The following GYPC variants were observed in gnomAD, a reference collection of about 807,000 sequenced individuals.
GYPC encodes the protein glycophorin-C.
In GYPC, 14 loss-of-function variants were observed where a neutral mutation model predicts 12.6. The ratio of observed to expected loss-of-function variants is 1.11; its 90% CI spans 0.74 to 1.74. The LOEUF (loss-of-function observed/expected upper bound fraction) is 1.74. GYPC is among the 40% of genes most tolerant of loss of function. The pLI is 0.00. For synonymous variants in GYPC, 78 were observed against 62.1 expected (o/e 1.26, Z -1.20); for missense variants, 225 against 172.1 (o/e 1.31, Z -1.72).
intron 1 of GYPC, among the ~76,000 whole-genome samples, chr2:126,681,348 G>T (rs550550400): frequency 1.1e-4 from 17 of 152,230 alleles, no homozygotes; most frequent in Middle Eastern, 3.4e-3. Context: ...TCATATGGGG[G>T]TATCATAATT....
intron 3 of GYPC, among the ~76,000 whole-genome samples, chr2:126,694,713 A>G (rs1683588785): frequency 1.3e-5 from 2 of 151,916 alleles, no homozygotes; most frequent in African/African-American, 4.8e-5. Context: ...AAATTGTTCT[A>G]TAAAGGTGGG....
rs1683417316 is a variant in GYPC at position 126,690,240 on chromosome 2, G to A, written c.50-15G>A. On this transcript the variant is annotated splice_polypyrimidine_tract_variant and intron_variant, in intron 1 of 3. Coordinates refer to ENST00000259254, the MANE Select transcript of GYPC (RefSeq NM_002101.5). Reference sequence around the variant, plus strand: ...TCTTCCTCTCTGACCTCAGATTCTTGTCCTCTGTTCACAGAGCCTGATCCG... The same window carrying A: ...TCTTCCTCTCTGACCTCAGATTCTTATCCTCTGTTCACAGAGCCTGATCCG... The A allele has an allele frequency of 6.2e-7, 1 of 1,603,640 alleles. No individual in the cohort carries two copies. The highest frequency in any genetic ancestry group is 1.3e-5 in the African/African-American group (1 of 74,686).
intron 1 of GYPC, among the ~76,000 whole-genome samples, chr2:126,686,840 C>A (rs879390705): frequency 6.6e-6 from 1 of 152,044 alleles, no homozygotes; most frequent in Non-Finnish European, 1.5e-5. Flanking sequence ...ATGAACCCAC[C>A]CCCAAGGCTG....
chr2:126,664,191 TA>T (rs1467802189), intron 1 of GYPC, among the ~76,000 whole-genome samples: 9 of 152,194 alleles, frequency 5.9e-5, no homozygotes, highest in Admixed American at 2.6e-4. Context: ...ATTCCCTTTT[TA>T]AAAAATTTTC....
intron 1 of GYPC, among the ~76,000 whole-genome samples, chr2:126,659,552 G>T (rs1182029320): frequency 6.6e-6 from 1 of 152,230 alleles, no homozygotes; most frequent in Non-Finnish European, 1.5e-5. Flanking sequence ...GCCTGGACCT[G>T]CTCCCAGTGG....
At chr2:126,667,061 G>A (rs1022653208) in intron 1 of GYPC, among the ~76,000 whole-genome samples, 4 of 151,942 alleles carry the variant, frequency 2.6e-5, no homozygotes, top group Non-Finnish European at 5.9e-5. Flanking sequence ...TCAGTGTAGA[G>A]CATCTGCCAT....
At chr2:126,673,660 G>C (rs1247706225) in intron 1 of GYPC, among the ~76,000 whole-genome samples, 1 of 152,192 alleles carries the variant, frequency 6.6e-6, no homozygotes, top group Non-Finnish European at 1.5e-5. Flanking sequence ...ACAGATTCCT[G>C]GGCAGGCAGA....
At chr2:126,674,662 G>A (rs146111163) in intron 1 of GYPC, among the ~76,000 whole-genome samples, 35 of 152,250 alleles carry the variant, frequency 2.3e-4, no homozygotes, top group Non-Finnish European at 4.3e-4. Flanking sequence ...TTTTTTAAGT[G>A]TTTTGTTCAT....
At chr2:126,669,136 C>T (rs950557780) in intron 1 of GYPC, among the ~76,000 whole-genome samples, 4 of 152,170 alleles carry the variant, frequency 2.6e-5, no homozygotes, top group Non-Finnish European at 5.9e-5. Context: ...CTTGAAGAGA[C>T]AGGTTGTTGG....
rs770511966 is a variant in GYPC at position 126,696,006 on chromosome 2, T to C, written c.251T>C (p.Met84Thr). The change falls in exon 4 of 4, where the codon ATG (methionine) becomes ACG (threonine). Residue 84 changes from methionine (M) to threonine (T), a missense_variant. By Grantham distance (81) the Met-to-Thr change is moderately conservative. Transcript: ENST00000259254. ...VSLLFVMLRY[M>T]YRHKGTYHTN... Reference sequence around the variant, plus strand: ...CTCCTCTTCGTCATGCTGCGCTACATGTACCGGCACAAGGGCACGTACCAC... The same window carrying C: ...CTCCTCTTCGTCATGCTGCGCTACACGTACCGGCACAAGGGCACGTACCAC... 4 of 1,614,114 alleles carry C rather than the reference T, an allele frequency of 2.5e-6. No homozygotes were observed. The highest frequency in any genetic ancestry group is 1.1e-5 in the South Asian group (1 of 91,078).
At chr2:126,691,760 G>C (rs144428964) in intron 2 of GYPC, among the ~76,000 whole-genome samples, 6 of 152,272 alleles carry the variant, frequency 3.9e-5, no homozygotes, top group African/African-American at 1.4e-4. Context: ...CACCTAGTAA[G>C]CGATTGTTAG....
At chr2:126,664,710 T>G (rs1467971039) in intron 1 of GYPC, among the ~76,000 whole-genome samples, 1 of 152,228 alleles carries the variant, frequency 6.6e-6, no homozygotes, top group East Asian at 1.9e-4. Context: ...CTCAGCCCAT[T>G]GGAGGTTGAG....
chr2:126,659,262 T>A (rs996989619), intron 1 of GYPC, among the ~76,000 whole-genome samples: 1 of 152,160 alleles, frequency 6.6e-6, no homozygotes, highest in African/African-American at 2.4e-5. Flanking sequence ...CGGGGAAGTG[T>A]CGGTTGATGC....
chr2:126,684,829 C>T (rs937909999), intron 1 of GYPC, among the ~76,000 whole-genome samples: 8 of 152,170 alleles, frequency 5.3e-5, no homozygotes, highest in African/African-American at 1.7e-4. Flanking sequence ...GTCTCCCTAG[C>T]ACCTCGTCAA....
chr2:126,681,232 T>A (rs1219058338), intron 1 of GYPC, among the ~76,000 whole-genome samples: 1 of 152,224 alleles, frequency 6.6e-6, no homozygotes, highest in East Asian at 1.9e-4. Context: ...TTTTTCATCA[T>A]TTCTATTTAG....
At chr2:126,693,781 C>T in intron 2 of GYPC, 83 bp from the exon 3 acceptor site, 2 of 919,542 alleles carry the variant, frequency 2.2e-6, no homozygotes, top group Non-Finnish European at 1.8e-6. Flanking sequence ...CACACCTGAG[C>T]AAAGGATGCA....
intron 1 of GYPC, among the ~76,000 whole-genome samples, chr2:126,681,799 GAAAGAAAGAAAAGA>G (rs1018079093): frequency 2.3e-4 from 35 of 149,070 alleles, no homozygotes; most frequent in African/African-American, 7.9e-4. Flanking sequence ...AAAAAAGAAA[GAAAGAAAGAAAAGA>G]AAAGAAAGAA....
chr2:126,695,201 G>C (rs764657320), intron 3 of GYPC, among the ~76,000 whole-genome samples: 2 of 152,160 alleles, frequency 1.3e-5, no homozygotes, highest in Admixed American at 1.3e-4. Flanking sequence ...CCCCTGTATA[G>C]TGTACATAGA....
rs200879714 is a variant in GYPC at position 126,695,969 on chromosome 2, G to A, written c.214G>A (p.Val72Ile). The change falls in exon 4 of 4, where the codon GTC (valine) becomes ATC (isoleucine). Residue 72 changes from valine to isoleucine, a missense_variant. Physicochemically the swap from Val to Ile is conservative, Grantham distance 29. Transcript: ENST00000259254. The part of the protein sequence containing the change: ...IAGVIAAVAI[V>I]LVSLLFVMLR... ...AGGTGTGATTGCTGCTGTGGCCATC[G>A]TCCTAGTCTCCCTCCTCTTCGTCAT... 2.7e-4 allele frequency: 428 copies of A among 1,614,010 alleles called. 2 individuals are homozygous for A. Among genetic ancestry groups the A allele is most frequent in the Non-Finnish European group, 3.3e-4 (391 of 1,179,970 alleles).
Sources: allele counts gnomAD v4.1 joint callset (sites outside exome capture counted in the v4.1 genomes callset), GRCh38; gene constraint gnomAD v4.1.1; transcripts MANE v1.5; gene names NCBI Gene and HGNC (gene_info 2026-07-23, HGNC 2026-07-21).